The following RIN3 variants were observed in gnomAD, a reference collection of about 807,000 sequenced individuals.
The protein encoded by RIN3 is Ras and Rab interactor 3.
Under a neutral mutation model 76.3 loss-of-function variants are expected in RIN3, and 54 were observed. The observed-to-expected ratio is 0.71, with a 90% CI of 0.57 to 0.89. RIN3 has a LOEUF of 0.89. RIN3 is among the 40% of genes least tolerant of loss of function. RIN3 has a pLI of 0.00. For synonymous variants in RIN3, 576 were observed against 564.0 expected, an observed-to-expected ratio of 1.02 and a Z score of -0.30; for missense variants, 1,256 against 1,322.1, an observed-to-expected ratio of 0.95 and a Z score of 0.78.
chr14:92,640,818 C>T (rs1207826115), intron 4 of RIN3, among the ~76,000 whole-genome samples: 1 of 150,150 alleles, frequency 6.7e-6, no homozygotes, highest in Non-Finnish European at 1.5e-5. Flanking sequence ...GTGTGTTCGT[C>T]GGGGGCTGCC....
chr14:92,529,592 T>C (rs1039166631), intron 1 of RIN3, among the ~76,000 whole-genome samples: 3 of 152,206 alleles, frequency 2.0e-5, no homozygotes, highest in Admixed American at 2.0e-4. Context: ...GGCAGAGTGA[T>C]GAAATATTCC....
intron 1 of RIN3, among the ~76,000 whole-genome samples, chr14:92,535,598 T>C (rs573776576): frequency 6.6e-6 from 1 of 152,126 alleles, no homozygotes; most frequent in East Asian, 1.9e-4. Flanking sequence ...AGACATTCTT[T>C]ACTTTCTTCT....
chr14:92,631,619 G>T (rs1279455154), intron 4 of RIN3, among the ~76,000 whole-genome samples: 1 of 151,990 alleles, frequency 6.6e-6, no homozygotes, highest in Admixed American at 6.6e-5. Context: ...GGCGGGAGTG[G>T]GGGTTGGAGT....
At chr14:92,673,347 T>A (rs2140166131) in intron 7 of RIN3, among the ~76,000 whole-genome samples, 1 of 152,306 alleles carries the variant, frequency 6.6e-6, no homozygotes, top group Middle Eastern at 3.4e-3. Context: ...AACATTTGTG[T>A]GCAGGTCTCT....
intron 5 of RIN3, among the ~76,000 whole-genome samples, chr14:92,644,215 G>A (rs1887113811): frequency 6.6e-6 from 1 of 152,166 alleles, no homozygotes; most frequent in African/African-American, 2.4e-5. Flanking sequence ...TTTGCAACGA[G>A]CAGTCAATGG....
chr14:92,534,485 C>T (rs1267680846), intron 1 of RIN3, among the ~76,000 whole-genome samples: 1 of 151,166 alleles, frequency 6.6e-6, no homozygotes, highest in Non-Finnish European at 1.5e-5. Flanking sequence ...GAGGCTGAGG[C>T]AGGAGAATCG....
At chr14:92,515,363 A>T (rs1343895099) in intron 1 of RIN3, 3 of 654,258 alleles carry the variant, frequency 4.6e-6, no homozygotes, top group Non-Finnish European at 8.3e-6. Context: ...GTGAGGGGCC[A>T]GGGCGCTGGC....
chr14:92,567,222 A>G (rs1897937172), intron 2 of RIN3, among the ~76,000 whole-genome samples: 1 of 152,194 alleles, frequency 6.6e-6, no homozygotes, highest in Admixed American at 6.5e-5. Context: ...GTAGGGGGAT[A>G]CCCAAAGGTG....
At chr14:92,595,108 A>G (rs17783660) in intron 3 of RIN3, among the ~76,000 whole-genome samples, 14,382 of 152,292 alleles carry the variant, frequency 0.094, 802 homozygotes, top group Non-Finnish European at 0.12. Flanking sequence ...ACCCTGGATC[A>G]TGTTAAGGCG....
chr14:92,671,327 G>C (rs773620784), intron 7 of RIN3, among the ~76,000 whole-genome samples: 2 of 152,136 alleles, frequency 1.3e-5, no homozygotes, highest in African/African-American at 4.8e-5. Flanking sequence ...TCCCAGGAGG[G>C]GGGGAACTGC....
At chr14:92,566,864 A>G (rs1451970827) in intron 2 of RIN3, among the ~76,000 whole-genome samples, 1 of 151,778 alleles carries the variant, frequency 6.6e-6, no homozygotes, top group East Asian at 1.9e-4. Flanking sequence ...ACCTCACACT[A>G]TTTTCTCATC....
At chr14:92,551,456 G>T (rs1054221250) in intron 1 of RIN3, among the ~76,000 whole-genome samples, 1 of 152,162 alleles carries the variant, frequency 6.6e-6, no homozygotes, top group Non-Finnish European at 1.5e-5. Context: ...TTTCCCTCGG[G>T]TGTATACCTA....
intron 1 of RIN3, among the ~76,000 whole-genome samples, chr14:92,522,261 G>A (rs1165680337): frequency 1.3e-5 from 2 of 151,650 alleles, no homozygotes; most frequent in Non-Finnish European, 1.5e-5. Flanking sequence ...CTGAGATGAT[G>A]ATGTTCTTGT....
intron 1 of RIN3, among the ~76,000 whole-genome samples, chr14:92,540,131 T>C (rs946888741): frequency 2.6e-5 from 4 of 152,218 alleles, no homozygotes; most frequent in Non-Finnish European, 5.9e-5. Context: ...GTGGAAAGTT[T>C]GAAGGCCTTT....
intron 5 of RIN3, among the ~76,000 whole-genome samples, chr14:92,649,246 C>T (rs1887317182): frequency 6.6e-6 from 1 of 152,212 alleles, no homozygotes; most frequent in African/African-American, 2.4e-5. Flanking sequence ...TATCTACCCC[C>T]ATGACACCAC....
chr14:92,588,355 G>A (rs1487902418), intron 3 of RIN3, among the ~76,000 whole-genome samples: 7 of 150,676 alleles, frequency 4.6e-5, no homozygotes, highest in Non-Finnish European at 1.0e-4. Flanking sequence ...AGTCTCCCAA[G>A]TAGCTGGGAT....
At chr14:92,570,532 C>A (rs561615938) in intron 2 of RIN3, among the ~76,000 whole-genome samples, 4 of 151,996 alleles carry the variant, frequency 2.6e-5, no homozygotes, top group African/African-American at 9.7e-5. Flanking sequence ...CATGGTAGTG[C>A]GTGCCTGTAA....
intron 7 of RIN3, among the ~76,000 whole-genome samples, chr14:92,661,758 C>CACACACACAAAA (rs373869994): frequency 9.2e-4 from 122 of 133,282 alleles, no homozygotes; most frequent in Middle Eastern, 7.9e-3. Context: ...CACACACACA[C>CACACACACAAAA]AAAAAATAGA....
At chr14:92,538,286 A>G (rs993807419) in intron 1 of RIN3, among the ~76,000 whole-genome samples, 2 of 152,218 alleles carry the variant, frequency 1.3e-5, no homozygotes, top group African/African-American at 4.8e-5. Flanking sequence ...ACGATTTTTA[A>G]TGGCTATATA....
Sources: allele counts gnomAD v4.1 joint callset (sites outside exome capture counted in the v4.1 genomes callset), GRCh38; gene constraint gnomAD v4.1.1; transcripts MANE v1.5; gene names NCBI Gene and HGNC (gene_info 2026-07-23, HGNC 2026-07-21).